INPP5B: variants seen among roughly 807,000 people sequenced by gnomAD.
The protein encoded by INPP5B is inositol polyphosphate-5-phosphatase B.
INPP5B carries 90 observed loss-of-function variants against 118.5 expected under a neutral mutation model. The ratio of observed to expected loss-of-function variants is 0.76; its 90% confidence interval spans 0.64 to 0.90. The LOEUF is 0.90. INPP5B is among the 40% of genes least tolerant of loss of function. The pLI, the probability that INPP5B is intolerant of heterozygous loss-of-function variation, is 0.00. For missense variants in INPP5B, 984 were observed against 1,125.6 expected (o/e 0.87, Z 1.80); for synonymous variants, 385 against 418.9 (o/e 0.92, Z 0.99).
intron 3 of INPP5B, among the ~76,000 whole-genome samples, chr1:37,945,247 G>A (rs1477845787): frequency 2.0e-5 from 3 of 152,126 alleles, no homozygotes; most frequent in African/African-American, 7.2e-5. Context: ...CCTGGCCAAC[G>A]TGGTGAAACC....
intron 19 of INPP5B, chr1:37,870,083 A>T (rs2148457704): frequency 6.6e-6 from 1 of 152,288 alleles, no homozygotes; most frequent in Middle Eastern, 3.4e-3. Flanking sequence ...ATTTAAAAAA[A>T]AACAAAAGAA....
intron 3 of INPP5B, among the ~76,000 whole-genome samples, chr1:37,944,270 C>G (rs898910568): frequency 1.3e-5 from 2 of 152,174 alleles, no homozygotes; most frequent in Non-Finnish European, 2.9e-5. Context: ...CAGAAAATGT[C>G]TAAGGCCCCC....
intron 7 of INPP5B, among the ~76,000 whole-genome samples, chr1:37,904,498 T>C (rs1644439622): frequency 6.6e-6 from 1 of 152,192 alleles, no homozygotes; most frequent in African/African-American, 2.4e-5. Flanking sequence ...AAGAGGGTAT[T>C]ATTCAGTTTT....
chr1:37,904,196 G>A (rs1185616820), intron 7 of INPP5B, among the ~76,000 whole-genome samples: 4 of 152,008 alleles, frequency 2.6e-5, no homozygotes, highest in African/African-American at 4.8e-5. Context: ...ATGGTGATGC[G>A]TGCCTGTAGT....
chr1:37,945,925 G>A, intron 2 of INPP5B, 75 bp from the exon 3 acceptor site: 1 of 1,351,354 alleles, frequency 7.4e-7, no homozygotes, highest in Non-Finnish European at 1.0e-6. Context: ...CCTTCCCTCT[G>A]TTCCCCTGCC....
intron 7 of INPP5B, among the ~76,000 whole-genome samples, chr1:37,894,078 A>T (rs1046262985): frequency 9.2e-5 from 14 of 152,234 alleles, no homozygotes; most frequent in Admixed American, 2.0e-4. Context: ...TTATTTAAAG[A>T]TGCTCAAATT....
chr1:37,921,839 G>GTC (rs1557700407), intron 7 of INPP5B, among the ~76,000 whole-genome samples: 1 of 151,998 alleles, frequency 6.6e-6, no homozygotes, highest in Non-Finnish European at 1.5e-5. Flanking sequence ...GCAAAACTCC[G>GTC]TCTCTACTAA....
intron 7 of INPP5B, among the ~76,000 whole-genome samples, chr1:37,894,561 C>CTTT (rs759895009): frequency 4.3e-5 from 6 of 139,022 alleles, no homozygotes; most frequent in African/African-American, 1.1e-4. Context: ...TTTCTTTTTT[C>CTTT]TTTTTTTTTT....
At chr1:37,946,212 C>T (rs764985313) in intron 2 of INPP5B, 40 bp downstream of exon 2, 1 of 1,586,356 alleles carries the variant, frequency 6.3e-7, no homozygotes, top group Admixed American at 1.8e-5. Context: ...TTCCCAAGGC[C>T]AGGGCAGGCT....
intron 1 of INPP5B, 25 bp from the exon 2 acceptor site, chr1:37,946,359 C>G: frequency 6.4e-7 from 1 of 1,569,874 alleles, no homozygotes; most frequent in Non-Finnish European, 8.7e-7. Context: ...ATAGGAGCCC[C>G]GCTTTGGTCA....
In INPP5B at chr1:37,943,809, A is replaced by C. The variant is rs770853734; in HGVS notation, c.237T>G (p.Phe79Leu). The change falls in exon 4 of 24, where the codon TTT (phenylalanine) becomes TTG (leucine). Residue 79 changes from phenylalanine to leucine, a missense_variant. Around this residue, in one of 2 missense-constraint regions of INPP5B, gnomAD observed 350 missense variants for 334.6 expected, o/e 1.05. Transcript: ENST00000373024. Reference protein sequence around the residue: ...LDQIVPVSRDFTLEEVSPDGE... With the variant: ...LDQIVPVSRDLTLEEVSPDGE... ...CCCCTGTGGCACCTTCTTCCAGCGTAAAATCCCGCGAGACTGGCACTATCT... is the reference window on the plus strand; with the variant it reads ...CCCCTGTGGCACCTTCTTCCAGCGTCAAATCCCGCGAGACTGGCACTATCT... 2.7e-5 allele frequency: 44 copies of C among 1,614,108 alleles called. No homozygotes were observed. In the South Asian group the frequency reaches 4.5e-4, roughly 17 times the overall value.
chr1:37,862,564 GTACT>G, intron 23 of INPP5B, 134 bp from the exon 24 acceptor site: 4 of 656,646 alleles, frequency 6.1e-6, no homozygotes, highest in Middle Eastern at 3.3e-4. Flanking sequence ...ATCATAGCGT[GTACT>G]TAAACTTTCA....
At chr1:37,868,312 CAAAAA>C (rs35639791) in intron 20 of INPP5B, among the ~76,000 whole-genome samples, 184 bp downstream of exon 20, 1 of 83,026 alleles carries the variant, frequency 1.2e-5, no homozygotes. Context: ...AACTCTGTCT[CAAAAA>C]AAAAAAAAAA....
chr1:37,941,893 G>C (rs1208821445), intron 5 of INPP5B, among the ~76,000 whole-genome samples: 1 of 106,052 alleles, frequency 9.4e-6, no homozygotes, highest in Non-Finnish European at 2.0e-5. Flanking sequence ...AGCCGAGATC[G>C]CGCCACTGCA....
At chr1:37,879,525 T>C (rs1266360337) in intron 15 of INPP5B, among the ~76,000 whole-genome samples, 3 of 151,782 alleles carry the variant, frequency 2.0e-5, no homozygotes, top group African/African-American at 7.3e-5. Flanking sequence ...CTACTGACTT[T>C]GGGAGGCTGA....
At chr1:37,888,962 G>A (rs187951628) in intron 9 of INPP5B, among the ~76,000 whole-genome samples, 1 of 152,316 alleles carries the variant, frequency 6.6e-6, no homozygotes, top group Non-Finnish European at 1.5e-5. Flanking sequence ...GGATACATAA[G>A]AATCAAGAGG....
At chr1:37,914,324 G>C (rs143686091) in intron 7 of INPP5B, among the ~76,000 whole-genome samples, 58 of 152,096 alleles carry the variant, frequency 3.8e-4, no homozygotes, top group African/African-American at 1.3e-3. Context: ...CTATAGATTC[G>C]CTTTGAATTC....
chr1:37,865,806 G>A lies in INPP5B; in HGVS notation c.2469C>T (p.Tyr823=). 1 of 1,613,804 alleles carries A rather than the reference G, an allele frequency of 6.2e-7. No individual in the cohort carries two copies. Among genetic ancestry groups the A allele is most frequent in the Non-Finnish European group, 8.5e-7 (1 of 1,179,778 alleles). ...TGCCAGAACACTCCAAGCAGTTATG[G>A]TAGGTGCTGTAACAGATGACAGGCT... ...LPEPVICYST[Y]HNCLECSGNY... Residue 823 remains tyrosine (Y), a synonymous_variant, in exon 22 of 24, where the codon TAC becomes TAT. Coordinates refer to ENST00000373024, the MANE Select transcript of INPP5B (RefSeq NM_005540.3).
At chr1:37,906,608 C>G (rs1644508507) in intron 7 of INPP5B, among the ~76,000 whole-genome samples, 1 of 152,028 alleles carries the variant, frequency 6.6e-6, no homozygotes, top group Non-Finnish European at 1.5e-5. Context: ...GGAATCCCAG[C>G]ACTTTGGGAG....
Sources: allele counts gnomAD v4.1 joint callset (sites outside exome capture counted in the v4.1 genomes callset), GRCh38; gene constraint gnomAD v4.1.1; regional missense constraint gnomAD v4.1.1; transcripts MANE v1.5; gene names NCBI Gene and HGNC (gene_info 2026-07-23, HGNC 2026-07-21).